ITGAX: variants seen among roughly 807,000 people sequenced by gnomAD.
ITGAX encodes integrin subunit alpha X.
ITGAX carries 99 observed loss-of-function variants against 140.2 expected under a neutral mutation model. The ratio of observed to expected loss-of-function variants is 0.71; its 90% CI spans 0.60 to 0.83. The LOEUF is 0.83. Among genes scored for constraint, ITGAX ranks in the 40% least tolerant of loss-of-function variants. ITGAX has a pLI of 0.00. For synonymous variants in ITGAX, 631 were observed against 600.4 expected, an observed-to-expected ratio of 1.05 and a Z score of -0.75; for missense variants, 1,444 against 1,482.0, an observed-to-expected ratio of 0.97 and a Z score of 0.42.
rs897283647 is a variant in ITGAX, at chr16:31,382,207, C to T, written c.*300C>T. The T allele has an allele frequency of 4.5e-5, 60 of 1,336,774 alleles. No homozygotes were observed. Among genetic ancestry groups the T allele is most frequent in the Non-Finnish European group, 5.5e-5 (56 of 1,024,336 alleles). 82.8% of individuals were successfully genotyped at this position (1,336,774 alleles called of 1,614,324 possible). A position where few individuals can be genotyped will look rare whatever the true frequency, so the allele number is the denominator to read the frequency against. On this transcript the variant is annotated 3_prime_UTR_variant, in exon 30 of 30. Coordinates refer to ENST00000268296, the MANE Select transcript of ITGAX (RefSeq NM_000887.5). Reference sequence around the variant, plus strand: ...TCAGTCTCCCTTCTCCCATGAGGCACGAATGATCTTTCTTTCCTTTCTTTT... The same window carrying T: ...TCAGTCTCCCTTCTCCCATGAGGCATGAATGATCTTTCTTTCCTTTCTTTT...
chr16:31,361,762 T>G, intron 9 of ITGAX, 74 bp from the exon 10 acceptor site: 2 of 1,473,486 alleles, frequency 1.4e-6, no homozygotes, highest in African/African-American at 2.8e-5. Context: ...TAGCTTCTCC[T>G]AAAGCTGAAG....
chr16:31,362,279 G>C, intron 11 of ITGAX, 75 bp downstream of exon 11: 3 of 1,564,312 alleles, frequency 1.9e-6, no homozygotes, highest in Non-Finnish European at 2.6e-6. Flanking sequence ...CTGGGGAAGG[G>C]GTATGGGGGC....
At chr16:31,357,219 G>A in intron 4 of ITGAX, 34 bp from the exon 5 acceptor site, 4 of 1,549,500 alleles carry the variant, frequency 2.6e-6, no homozygotes, top group Non-Finnish European at 3.5e-6. Flanking sequence ...GGAGGAAGCA[G>A]GGGCAGCCCC....
In ITGAX at chr16:31,361,861, C is replaced by A; in HGVS notation, c.1038C>A (p.Ser346=). ...GTACGGAGACCACAAGCAGTAGCTCCTTCGAATTGGAGATGGCACAGGAGG... is the reference window on the plus strand; with the variant it reads ...GTACGGAGACCACAAGCAGTAGCTCATTCGAATTGGAGATGGCACAGGAGG... ...IEGTETTSSS[S]FELEMAQEGF... is the part of the protein sequence containing the mutation. The change falls in exon 10 of 30, where the codon TCC becomes TCA. Residue 346 remains serine, a synonymous_variant. Transcript: ENST00000268296. 1 of 1,614,072 alleles carries A rather than the reference C, an allele frequency of 6.2e-7. No homozygotes were observed. Among genetic ancestry groups the A allele is most frequent in the Non-Finnish European group, 8.5e-7 (1 of 1,179,982 alleles).
intron 14 of ITGAX, among the ~76,000 whole-genome samples, chr16:31,364,217 G>A (rs537937668): frequency 6.1e-4 from 93 of 152,106 alleles, no homozygotes; most frequent in African/African-American, 2.1e-3. Flanking sequence ...GAGGCCAGGA[G>A]TTTCAGGCCA....
At chr16:31,371,262 A>G in intron 15 of ITGAX, 48 bp downstream of exon 15, 1 of 1,606,272 alleles carries the variant, frequency 6.2e-7, no homozygotes, top group African/African-American at 1.3e-5. Context: ...CTAGGTTCAG[A>G]TGGGGGTGCC....
intron 23 of ITGAX, 62 bp downstream of exon 23, chr16:31,377,327 A>AT (rs2081029912): frequency 7.1e-7 from 1 of 1,409,304 alleles, no homozygotes; most frequent in African/African-American, 1.5e-5. Context: ...AAGAAAAAAA[A>AT]AAAAAGGCCT....
chr16:31,371,510 C>T lies in ITGAX; in HGVS notation c.2005+13C>T. On this transcript the variant is annotated intron_variant, in intron 16 of 29. Coordinates refer to ENST00000268296, the MANE Select transcript of ITGAX (RefSeq NM_000887.5). ...CTGCTTGGGAGCCGTGAGTCCCCTC[C>T]CCTCCAACCCAGGACACCCTGACCT... 6.2e-7 allele frequency: 1 copy of T among 1,613,288 alleles called. No homozygotes were observed. The highest frequency in any genetic ancestry group is 8.5e-7 in the Non-Finnish European group (1 of 1,179,314).
chr16:31,368,497 C>CAAAA (rs34411912), intron 14 of ITGAX, among the ~76,000 whole-genome samples: 1 of 125,406 alleles, frequency 8.0e-6, no homozygotes, highest in African/African-American at 3.1e-5. Flanking sequence ...AAGTGTGTCT[C>CAAAA]AAAAAAAAAA....
intron 1 of ITGAX, 110 bp from the exon 2 acceptor site, chr16:31,355,783 C>T (rs962568415): frequency 2.5e-6 from 2 of 803,608 alleles, no homozygotes; most frequent in Admixed American, 2.2e-5. Flanking sequence ...GACCCAGGCA[C>T]CCCGGGCATC....
rs766707457 is a variant in ITGAX, at chr16:31,355,881, C to T, written c.38-12C>T. ...ACCCTTCTCCAAAGCTCTCTTCCCA[C>T]CTCTTTCCCAGCCTTAGCAACTTCT... On this transcript the variant is annotated splice_polypyrimidine_tract_variant and intron_variant, in intron 1 of 29. Transcript: ENST00000268296. 1 of 1,604,880 alleles carries T rather than the reference C, an allele frequency of 6.2e-7. No homozygotes were observed. The highest frequency in any genetic ancestry group is 1.1e-5 in the South Asian group (1 of 90,690).
At chr16:31,380,092 A>T in intron 26 of ITGAX, 27 bp downstream of exon 26, 1 of 1,599,920 alleles carries the variant, frequency 6.3e-7, no homozygotes, top group Non-Finnish European at 8.6e-7. Context: ...GCTGGCCCTC[A>T]CTGTAGGCCC....
At chr16:31,361,244 A>G in intron 9 of ITGAX, 31 bp downstream of exon 9, 1 of 1,587,496 alleles carries the variant, frequency 6.3e-7, no homozygotes, top group East Asian at 2.3e-5. Flanking sequence ...TCGCTTGGGG[A>G]ATCCTCAGCC....
At chr16:31,371,312 C>T (rs2080956419) in intron 15 of ITGAX, 22 bp from the exon 16 acceptor site, 1 of 1,612,892 alleles carries the variant, frequency 6.2e-7, no homozygotes, top group Non-Finnish European at 8.5e-7. Context: ...GGCCTGTCCT[C>T]AGCTCGGTGC....
At chr16:31,360,201 G>A in intron 7 of ITGAX, 109 bp from the exon 8 acceptor site, 7 of 1,509,940 alleles carry the variant, frequency 4.6e-6, no homozygotes, top group East Asian at 4.5e-5. Flanking sequence ...GGGCCTCTGG[G>A]TGGGACTGGG....
chr16:31,373,862 G>A (rs774459487), intron 20 of ITGAX, among the ~76,000 whole-genome samples: 40 of 152,362 alleles, frequency 2.6e-4, no homozygotes, highest in Admixed American at 6.5e-4. Flanking sequence ...ACATGAATGA[G>A]TTTATGAGTG....
At chr16:31,372,346 A>G in intron 17 of ITGAX, 32 bp from the exon 18 acceptor site, 1 of 1,581,190 alleles carries the variant, frequency 6.3e-7, no homozygotes, top group Non-Finnish European at 8.5e-7. Flanking sequence ...CCCTCCCCTT[A>G]CCCTCCGCTC....
intron 11 of ITGAX, 98 bp downstream of exon 11, chr16:31,362,302 G>A: frequency 1.3e-6 from 2 of 1,555,816 alleles, no homozygotes; most frequent in East Asian, 2.3e-5. Flanking sequence ...TGCTGCCCAG[G>A]GTGGGGTCCA....
Position 31,372,409 on chromosome 16 carries a change from C to A in ITGAX, c.2192C>A (p.Thr731Asn). Residue 731 changes from threonine to asparagine, a missense_variant, in exon 18 of 30, where the codon ACC (threonine) becomes AAC (asparagine). Thr to Asn is a moderately conservative substitution (Grantham distance 65). Coordinates refer to ENST00000268296, the MANE Select transcript of ITGAX (RefSeq NM_000887.5). ...GTGGAGGACTCTGTGACCCCCATTACCTTGCGTCTGAACTTCACGCTGGTG... is the reference window on the plus strand; with the variant it reads ...GTGGAGGACTCTGTGACCCCCATTAACTTGCGTCTGAACTTCACGCTGGTG... ...SCVEDSVTPI[T>N]LRLNFTLVGK... 6.2e-7 allele frequency: 1 copy of A among 1,609,332 alleles called. No individual in the cohort carries two copies.
Sources: allele counts gnomAD v4.1 joint callset (sites outside exome capture counted in the v4.1 genomes callset), GRCh38; gene constraint gnomAD v4.1.1; transcripts MANE v1.5; gene names NCBI Gene and HGNC (gene_info 2026-07-23, HGNC 2026-07-21).